Variants in OSBPL8 observed in about 807,000 individuals in gnomAD.
OSBPL8 encodes oxysterol-binding protein-related protein 8.
In OSBPL8, 59 loss-of-function variants were observed where a neutral mutation model predicts 125.5. That is an observed-to-expected ratio of 0.47 (90% confidence interval 0.38 to 0.58). The LOEUF (loss-of-function observed/expected upper bound fraction) is 0.58. Among genes scored for constraint, OSBPL8 ranks in the 20% least tolerant of loss-of-function variants. OSBPL8 has a pLI of 0.00. For missense variants in OSBPL8, 758 were observed against 1,047.8 expected, an observed-to-expected ratio of 0.72 and a Z score of 3.82; for synonymous variants, 330 against 338.9, an observed-to-expected ratio of 0.97 and a Z score of 0.29.
At chr12:76,482,248 T>C (rs1877582403) in intron 2 of OSBPL8, among the ~76,000 whole-genome samples, 1 of 152,236 alleles carries the variant, frequency 6.6e-6, no homozygotes, top group Admixed American at 6.5e-5. Context: ...ATAAAAGATT[T>C]TGCCCTCTAA....
chr12:76,469,536 C>T (rs1177003228), intron 2 of OSBPL8, among the ~76,000 whole-genome samples: 2 of 152,168 alleles, frequency 1.3e-5, no homozygotes, highest in Admixed American at 1.3e-4. Flanking sequence ...CAAACGCTTA[C>T]AGACTAACCA....
In OSBPL8 at chr12:76,525,355, G is replaced by T. The variant is rs998967711; in HGVS notation, c.-68+34042C>A. On this transcript the variant is annotated intron_variant, in intron 1 of 23. Transcript: ENST00000261183. The stretch of plus-strand genomic sequence containing the variant: ...CTGAAGGTCTTTTTAAAAAAGTGAG[G>T]AAAAGGAATATGTGATATTTTTACC... Among the ~76,000 whole-genome samples the T allele has an allele frequency of 2.0e-5, 3 of 152,184 alleles. No individual in the cohort carries two copies. The South Asian group carries it at 6.2e-4, about 32-fold the overall frequency.
intron 3 of OSBPL8, among the ~76,000 whole-genome samples, chr12:76,451,432 A>G (rs1873402218): frequency 6.6e-6 from 1 of 152,170 alleles, no homozygotes; most frequent in Non-Finnish European, 1.5e-5. Flanking sequence ...GTATAAAATA[A>G]TATTTGACAT....
chr12:76,483,367 A>T (rs1373950816), intron 2 of OSBPL8, among the ~76,000 whole-genome samples: 2 of 151,774 alleles, frequency 1.3e-5, no homozygotes, highest in Non-Finnish European at 2.9e-5. Flanking sequence ...GTTCCAGACC[A>T]TCTGGCCAAC....
intron 6 of OSBPL8, among the ~76,000 whole-genome samples, 176 bp from the exon 7 acceptor site, chr12:76,400,150 T>C (rs572011824): frequency 9.8e-5 from 15 of 152,288 alleles, no homozygotes; most frequent in Admixed American, 6.5e-4. Context: ...CTTTTCCTGA[T>C]CCTCTCCCTC....
intron 12 of OSBPL8, among the ~76,000 whole-genome samples, chr12:76,388,724 CTG>C (rs1334354801): frequency 6.6e-6 from 1 of 152,058 alleles, no homozygotes; most frequent in African/African-American, 2.4e-5. Flanking sequence ...ACTCCTTTTT[CTG>C]TAAGTTTCCT....
At chr12:76,490,297 C>A (rs959354946) in intron 1 of OSBPL8, among the ~76,000 whole-genome samples, 1 of 152,218 alleles carries the variant, frequency 6.6e-6, no homozygotes, top group Admixed American at 6.5e-5. Context: ...AAACGGCAGA[C>A]CAAAACAAGA....
intron 1 of OSBPL8, among the ~76,000 whole-genome samples, chr12:76,512,705 T>C (rs1881125446): frequency 6.6e-6 from 1 of 152,196 alleles, no homozygotes; most frequent in Non-Finnish European, 1.5e-5. Context: ...AAATAGTTTT[T>C]TTCTAGTTCT....
At chr12:76,558,135 AAT>A (rs1951165450) in intron 1 of OSBPL8, among the ~76,000 whole-genome samples, 1 of 151,922 alleles carries the variant, frequency 6.6e-6, no homozygotes, top group Non-Finnish European at 1.5e-5. Flanking sequence ...ATTAAAAAAA[AAT>A]AAAAGTAACA....
chr12:76,507,746 C>G lies in OSBPL8; in HGVS notation c.-67-20128G>C, dbSNP rs535080060. Among the ~76,000 whole-genome samples the G allele has an allele frequency of 9.2e-4, 139 of 151,402 alleles. 3 individuals are homozygous for G. The highest frequency in any genetic ancestry group is 3.2e-3 in the African/African-American group (132 of 40,918). On this transcript the variant is annotated intron_variant, in intron 1 of 23. Transcript: ENST00000261183. ...GCTGAGGCAGGAGAAATCACTTGAA[C>G]CCAGGAGGCAGAGGTTGCAGTGAGC...
intron 21 of OSBPL8, among the ~76,000 whole-genome samples, chr12:76,364,523 ATAGCAT>A (rs1449331746): frequency 2.0e-5 from 3 of 152,184 alleles, no homozygotes; most frequent in African/African-American, 2.4e-5. Context: ...TAGGGGAGGG[ATAGCAT>A]TAGGAGAAAT....
At chr12:76,405,583 G>A (rs987150881) in intron 5 of OSBPL8, among the ~76,000 whole-genome samples, 7 of 152,150 alleles carry the variant, frequency 4.6e-5, no homozygotes, top group South Asian at 4.1e-4. Context: ...TTGGTAAACC[G>A]CCCTCAAGGA....
At chr12:76,416,920 TTG>T (rs765146274) in intron 4 of OSBPL8, among the ~76,000 whole-genome samples, 2 of 152,204 alleles carry the variant, frequency 1.3e-5, no homozygotes, top group Non-Finnish European at 2.9e-5. Context: ...AAATTAATCA[TTG>T]TGTTTAGTGG....
intron 1 of OSBPL8, among the ~76,000 whole-genome samples, chr12:76,508,728 G>A (rs1880677105): frequency 6.6e-6 from 1 of 152,138 alleles, no homozygotes. Flanking sequence ...TAATGTATTA[G>A]CATACTAAAG....
intron 1 of OSBPL8, among the ~76,000 whole-genome samples, chr12:76,489,748 A>C (rs2137042693): frequency 6.6e-6 from 1 of 152,370 alleles, no homozygotes; most frequent in East Asian, 1.9e-4. Context: ...GCAGTCCATG[A>C]ATCAGGGAGT....
chr12:76,413,478 A>T (rs982184450), intron 4 of OSBPL8, among the ~76,000 whole-genome samples: 4 of 152,226 alleles, frequency 2.6e-5, no homozygotes, highest in Non-Finnish European at 5.9e-5. Flanking sequence ...TTGGAAATGT[A>T]TCGTGGTAGA....
At chr12:76,508,982 A>C (rs1035372205) in intron 1 of OSBPL8, among the ~76,000 whole-genome samples, 1 of 152,244 alleles carries the variant, frequency 6.6e-6, no homozygotes, top group Non-Finnish European at 1.5e-5. Flanking sequence ...TTACTTTCTT[A>C]ATAAACTTGC....
chr12:76,497,660 A>T (rs1489832550), intron 1 of OSBPL8, among the ~76,000 whole-genome samples: 1 of 152,144 alleles, frequency 6.6e-6, no homozygotes, highest in African/African-American at 2.4e-5. Context: ...CTTCTGTCCA[A>T]ACAACTTTTT....
intron 2 of OSBPL8, 56 bp downstream of exon 2, chr12:76,487,454 A>C: frequency 1.4e-5 from 20 of 1,458,708 alleles, no homozygotes; most frequent in Non-Finnish European, 1.6e-5. Context: ...CCTAGCTTAC[A>C]TCAAACACTT....
Sources: gnomAD v4.1 joint callset for allele counts (sites outside exome capture counted in the v4.1 genomes callset) on GRCh38, gnomAD v4.1.1 for gene constraint, MANE v1.5 for transcripts, NCBI Gene and HGNC (gene_info 2026-07-23, HGNC 2026-07-21) for gene names.